BZW2: variants seen among roughly 807,000 people sequenced by gnomAD.
The protein encoded by BZW2 is eIF5-mimic protein 1.
Under a neutral mutation model 53.2 loss-of-function variants are expected in BZW2, and 23 were observed. The observed-to-expected ratio is 0.43, with a 90% CI of 0.31 to 0.61. The LOEUF is 0.61. Among genes scored for constraint, BZW2 ranks in the 20% least tolerant of loss-of-function variants. The probability of loss-of-function intolerance (pLI) is 0.09; values close to 1 mark genes in which losing one functional copy is unlikely to be tolerated. For missense variants in BZW2, 409 were observed against 503.1 expected (o/e 0.81, Z 1.79); for synonymous variants, 227 against 186.4 (o/e 1.22, Z -1.77).
At chr7:16,677,796 G>C (rs1467259377) in intron 3 of BZW2, among the ~76,000 whole-genome samples, 1 of 152,076 alleles carries the variant, frequency 6.6e-6, no homozygotes, top group Non-Finnish European at 1.5e-5. Flanking sequence ...ATAATAATTT[G>C]GGCGTCTGGG....
At chr7:16,703,415 A>G (rs796595172) in intron 10 of BZW2, among the ~76,000 whole-genome samples, 2 of 152,244 alleles carry the variant, frequency 1.3e-5, no homozygotes, top group Admixed American at 6.5e-5. Context: ...TTAAAAATAA[A>G]AAAAGCCAAT....
At chr7:16,678,336 C>T (rs863669) in intron 3 of BZW2, among the ~76,000 whole-genome samples, 34,535 of 151,754 alleles carry the variant, frequency 0.23, 4,220 homozygotes, top group East Asian at 0.38. Context: ...TGGGCCACCA[C>T]GCCCGGCCCC....
chr7:16,685,178 C>T (rs1378419642), intron 5 of BZW2, among the ~76,000 whole-genome samples: 1 of 152,166 alleles, frequency 6.6e-6, no homozygotes, highest in Non-Finnish European at 1.5e-5. Flanking sequence ...GAATTTAATA[C>T]AGGAAGTGGG....
chr7:16,699,095 G>C (rs998819038), intron 10 of BZW2, among the ~76,000 whole-genome samples: 2 of 152,216 alleles, frequency 1.3e-5, no homozygotes, highest in African/African-American at 2.4e-5. Context: ...TATTGGCCAC[G>C]TAGATTCCTC....
intron 6 of BZW2, 102 bp downstream of exon 6, chr7:16,686,142 C>G (rs757927523): frequency 6.7e-7 from 1 of 1,486,248 alleles, no homozygotes; most frequent in South Asian, 1.2e-5. Flanking sequence ...TCCTCTATTA[C>G]TCATTCTTCA....
intron 9 of BZW2, among the ~76,000 whole-genome samples, chr7:16,697,403 A>G (rs1178540052): frequency 6.6e-6 from 1 of 152,148 alleles, no homozygotes; most frequent in Non-Finnish European, 1.5e-5. Context: ...ATTTGTCTTA[A>G]TTGAGAGTAT....
chr7:16,647,917 CACT>C (rs1562472087), intron 1 of BZW2, among the ~76,000 whole-genome samples: 1,692 of 152,238 alleles, frequency 0.011, 57 homozygotes, highest in Admixed American at 0.05. Flanking sequence ...CTGTTTGTCT[CACT>C]GGGGTTGTCA....
intron 11 of BZW2, among the ~76,000 whole-genome samples, chr7:16,705,738 A>C (rs1217652856): frequency 6.7e-6 from 1 of 149,632 alleles, no homozygotes; most frequent in East Asian, 1.9e-4. Context: ...CCAAAGAAGA[A>C]AAGTTATATT....
rs529253026 is a variant in BZW2 at position 16,672,204 on chromosome 7, A to T, written c.59-2208A>T. Among the ~76,000 whole-genome samples, 41 of 152,280 alleles carry T rather than the reference A, an allele frequency of 2.7e-4. 1 individual carries two copies. The highest frequency in any genetic ancestry group is 8.9e-4 in the African/African-American group (37 of 41,558). ...GGTTCCCAGACAGCCATGTACTTGG[A>T]AACAATCTTTCATTTCTGGGAGATT... On this transcript the variant is annotated intron_variant, in intron 2 of 11. Coordinates refer to ENST00000258761, the MANE Select transcript of BZW2 (RefSeq NM_014038.3).
At chr7:16,678,112 T>TTA (rs1554266839) in intron 3 of BZW2, among the ~76,000 whole-genome samples, 126 of 143,722 alleles carry the variant, frequency 8.8e-4, no homozygotes, top group African/African-American at 3.2e-3. Context: ...TTTTTTTTTT[T>TTA]AATGCTGTCG....
intron 4 of BZW2, among the ~76,000 whole-genome samples, chr7:16,682,247 T>A (rs2128361979): frequency 6.6e-6 from 1 of 152,346 alleles, no homozygotes; most frequent in Non-Finnish European, 1.5e-5. Context: ...TCATTCCACT[T>A]AGAAAACTGT....
chr7:16,657,088 A>G (rs1782143435), intron 1 of BZW2, among the ~76,000 whole-genome samples: 1 of 152,216 alleles, frequency 6.6e-6, no homozygotes, highest in Non-Finnish European at 1.5e-5. Context: ...ATATCTTTTT[A>G]TGCAAAAATG....
intron 2 of BZW2, among the ~76,000 whole-genome samples, chr7:16,668,286 A>G (rs1308875034): frequency 6.6e-6 from 1 of 152,220 alleles, no homozygotes; most frequent in East Asian, 1.9e-4. Flanking sequence ...GTTTGTCTTC[A>G]GTTAAGAACC....
chr7:16,679,817 A>G (rs1782883468), intron 3 of BZW2, among the ~76,000 whole-genome samples: 1 of 152,222 alleles, frequency 6.6e-6, no homozygotes. Context: ...AAAGATATTA[A>G]TCTAACTACC....
rs747128208 is a variant in BZW2, at chr7:16,682,770, T to TC, written c.340-10_340-9insC. On this transcript the variant is annotated splice_polypyrimidine_tract_variant and intron_variant, in intron 4 of 11. Transcript: ENST00000258761. The stretch of plus-strand genomic sequence containing the variant: ...GTTGACCTAATATTTAATGGTTGTT[T>TC]TTTTTTTAGGTCTTCAATAAACTCA... 2.6e-6 allele frequency: 4 copies of TC among 1,546,486 alleles called. No homozygotes were observed. The African/African-American group carries it at 5.6e-5, about 22-fold the overall frequency.
chr7:16,686,094 A>G lies in BZW2; in HGVS notation c.541+54A>G, dbSNP rs774608333. The stretch of plus-strand genomic sequence containing the variant: ...CAGACAACAAAAGAAAAATAAAGTC[A>G]CAGATAGTTAGAAAAATGCCAGTGG... On this transcript the variant is annotated intron_variant, in intron 6 of 11. Transcript: ENST00000258761. The G allele has an allele frequency of 1.4e-5, 23 of 1,595,130 alleles. No individual in the cohort carries two copies. In the African/African-American group the frequency reaches 2.3e-4, roughly 16 times the overall value.
At position 16,674,566 on chromosome 7, in the gene BZW2, C is replaced by G; in HGVS notation, c.213C>G (p.Ile71Met). The change falls in exon 3 of 12, where the codon ATC (isoleucine) becomes ATG (methionine). Residue 71 changes from isoleucine (I) to methionine (M), a missense_variant. Ile to Met is a conservative substitution (Grantham distance 10, BLOSUM62 1). This residue lies in a region of BZW2 where 316 missense variants were observed against 366.8 expected (regional missense o/e 0.86). Transcript: ENST00000258761. ...GCTATGCAGACACACTCTTCGATAT[C>G]CTGGTGGCTGGCAGTATGCTTGGTA... ...YRRYADTLFD[I>M]LVAGSMLAPG... The G allele has an allele frequency of 6.2e-7, 1 of 1,603,078 alleles. No individual in the cohort carries two copies. The highest frequency in any genetic ancestry group is 8.5e-7 in the Non-Finnish European group (1 of 1,174,156).
intron 1 of BZW2, among the ~76,000 whole-genome samples, chr7:16,647,722 A>G (rs1246122580): frequency 1.3e-5 from 2 of 152,218 alleles, no homozygotes; most frequent in African/African-American, 4.8e-5. Flanking sequence ...CAGAGTTACA[A>G]TTGATTTATA....
intron 8 of BZW2, among the ~76,000 whole-genome samples, chr7:16,695,319 A>G (rs530446080): frequency 3.3e-5 from 5 of 152,190 alleles, no homozygotes; most frequent in Non-Finnish European, 7.3e-5. Context: ...ATAGCCCATT[A>G]TATGGTAGTT....
Sources: allele counts gnomAD v4.1 joint callset (sites outside exome capture counted in the v4.1 genomes callset), GRCh38; gene constraint gnomAD v4.1.1; regional missense constraint gnomAD v4.1.1; transcripts MANE v1.5; gene names NCBI Gene and HGNC (gene_info 2026-07-23, HGNC 2026-07-21).